COL4A4: variants seen among roughly 807,000 people sequenced by gnomAD.
COL4A4 encodes collagen type IV alpha 4 chain.
Under a neutral mutation model 192.9 loss-of-function variants are expected in COL4A4, and 105 were observed. The ratio of observed to expected loss-of-function variants is 0.54; its 90% CI spans 0.46 to 0.64. The LOEUF is 0.64. Among genes scored for constraint, COL4A4 ranks in the 30% least tolerant of loss-of-function variants. The pLI, the probability that COL4A4 is intolerant of heterozygous loss-of-function variation, is 0.00. For missense variants in COL4A4, 1,967 were observed against 2,169.3 expected (o/e 0.91, Z 1.85); for synonymous variants, 762 against 769.9 (o/e 0.99, Z 0.17).
intron 28 of COL4A4, 75 bp from the exon 29 acceptor site, chr2:227,057,675 A>C (rs1464817253): frequency 7.6e-6 from 11 of 1,437,962 alleles, no homozygotes; most frequent in African/African-American, 1.4e-5. Flanking sequence ...TTGTTCACGC[A>C]TATCAATACT....
At chr2:226,975,349 T>C in the COL4A4 span, among the ~76,000 whole-genome samples, 7 of 152,290 alleles carry the variant, frequency 4.6e-5, no homozygotes, top group Non-Finnish European at 7.4e-5. Flanking sequence ...CTTAAACTTA[T>C]ACAATTTTAT....
In COL4A4 at chr2:227,012,187, C is replaced by T. The variant is rs779769090; in HGVS notation, c.4327G>A (p.Gly1443Arg). 3 of 1,612,544 alleles carry T rather than the reference C, an allele frequency of 1.9e-6. No individual in the cohort carries two copies. Among genetic ancestry groups the T allele is most frequent in the African/African-American group, 1.3e-5 (1 of 74,888 alleles). Residue 1443 changes from glycine (G) to arginine (R), a missense_variant, in exon 45 of 48, where the codon GGA becomes AGA. By Grantham distance (125) the Gly-to-Arg change is moderately radical. Transcript: ENST00000396625. ...GGAGTGACTGAAACTCTACCTGGTC[C>T]TCCAGGGTAGCCGTCTTCTCCTGTG... ...GDTGEDGYPG[G>R]PGPPGPIGDP... is the part of the protein sequence containing the mutation.
intron 30 of COL4A4, among the ~76,000 whole-genome samples, chr2:227,055,623 C>T (rs978760789): frequency 6.6e-6 from 1 of 152,186 alleles, no homozygotes; most frequent in Non-Finnish European, 1.5e-5. Context: ...AATCCCCTAA[C>T]AGGGGGTAGG....
intron 1 of COL4A4, among the ~76,000 whole-genome samples, chr2:227,157,008 C>T (rs999055212): frequency 6.6e-6 from 1 of 152,144 alleles, no homozygotes; most frequent in African/African-American, 2.4e-5. Context: ...TACTAGGACA[C>T]TATACCAAGC....
intron 35 of COL4A4, among the ~76,000 whole-genome samples, chr2:227,046,856 T>C (rs1972983745): frequency 6.6e-6 from 1 of 152,050 alleles, no homozygotes; most frequent in Non-Finnish European, 1.5e-5. Flanking sequence ...AAGAACTCAA[T>C]GGTGCATCAC....
chr2:227,071,145 G>A (rs968635704), intron 25 of COL4A4, among the ~76,000 whole-genome samples: 11 of 152,036 alleles, frequency 7.2e-5, no homozygotes, highest in African/African-American at 2.4e-4. Flanking sequence ...CCAAATATCT[G>A]CTGTCTTTAA....
intron 4 of COL4A4, among the ~76,000 whole-genome samples, chr2:227,139,715 C>G (rs1317496573): frequency 2.0e-5 from 3 of 152,212 alleles, no homozygotes; most frequent in Non-Finnish European, 2.9e-5. Context: ...AAAAATATAG[C>G]TATCACTTCA....
At chr2:227,030,916 AGATGGATGGATGGATGGATGGATG>A (rs10689496) in intron 40 of COL4A4, among the ~76,000 whole-genome samples, 14 of 145,790 alleles carry the variant, frequency 9.6e-5, no homozygotes, top group South Asian at 2.3e-4. Flanking sequence ...TGCTTTAATA[AGATGGATGGATGGATGGATGGATG>A]GATGGATGGA....
At chr2:227,018,541 AG>A (rs1965379169) in intron 44 of COL4A4, among the ~76,000 whole-genome samples, 1 of 152,180 alleles carries the variant, frequency 6.6e-6, no homozygotes, top group Non-Finnish European at 1.5e-5. Context: ...ATCAGAGAAG[AG>A]GGGCCCCAGA....
intron 22 of COL4A4, among the ~76,000 whole-genome samples, chr2:227,086,208 C>T (rs2059595540): frequency 1.3e-5 from 2 of 152,164 alleles, no homozygotes; most frequent in South Asian, 4.1e-4. Context: ...TTGCAAAGAA[C>T]TTAAGCCTAG....
chr2:226,982,186 A>T, the COL4A4 span, among the ~76,000 whole-genome samples: 1 of 152,208 alleles, frequency 6.6e-6, no homozygotes, highest in African/African-American at 2.4e-5. Flanking sequence ...CCCTGCCCCT[A>T]ATGATTTGGT....
chr2:226,999,896 G>A (rs528096827), downstream of COL4A4, among the ~76,000 whole-genome samples: 148 of 152,336 alleles, frequency 9.7e-4, no homozygotes, highest in Non-Finnish European at 1.4e-3. Context: ...CTGCCAGGAA[G>A]TTGTGAAATT....
intron 35 of COL4A4, among the ~76,000 whole-genome samples, chr2:227,044,135 G>A (rs943982816): frequency 6.6e-6 from 1 of 152,210 alleles, no homozygotes; most frequent in Non-Finnish European, 1.5e-5. Flanking sequence ...TGGAGTAAGT[G>A]CTGCACTGAC....
chr2:226,977,171 A>G, the COL4A4 span, among the ~76,000 whole-genome samples: 1 of 152,238 alleles, frequency 6.6e-6, no homozygotes. Context: ...AGAGAAGTCA[A>G]GGAGCATCAT....
the COL4A4 span, among the ~76,000 whole-genome samples, chr2:226,973,806 C>G: frequency 6.6e-6 from 1 of 152,222 alleles, no homozygotes; most frequent in Admixed American, 6.5e-5. Context: ...ATCTTTCTTG[C>G]AGCATTCCTG....
the COL4A4 span, chr2:226,995,787 C>T: frequency 3.4e-5 from 16 of 471,070 alleles, no homozygotes; most frequent in Non-Finnish European, 3.7e-5. Context: ...GCTCCCATCT[C>T]TCACTGCTGA....
downstream of COL4A4, among the ~76,000 whole-genome samples, chr2:227,002,538 T>C (rs1437704650): frequency 6.6e-6 from 1 of 152,208 alleles, no homozygotes; most frequent in Non-Finnish European, 1.5e-5. Flanking sequence ...GCGCCATCAC[T>C]GTGCATAGAA....
chr2:227,093,634 A>T (rs1225307566), intron 20 of COL4A4, among the ~76,000 whole-genome samples: 1 of 152,040 alleles, frequency 6.6e-6, no homozygotes, highest in African/African-American at 2.4e-5. Context: ...AACTATCTTT[A>T]AAAAACCCTA....
intron 4 of COL4A4, among the ~76,000 whole-genome samples, chr2:227,132,845 G>A (rs890482091): frequency 6.6e-6 from 1 of 152,146 alleles, no homozygotes; most frequent in Non-Finnish European, 1.5e-5. Context: ...GCTGTTTGTG[G>A]ATTTCTTGGC....
Sources: allele counts gnomAD v4.1 joint callset (sites outside exome capture counted in the v4.1 genomes callset), GRCh38; gene constraint gnomAD v4.1.1; transcripts MANE v1.5; gene names NCBI Gene and HGNC (gene_info 2026-07-23, HGNC 2026-07-21).